BSCL2: variants seen among roughly 807,000 people sequenced by gnomAD.
The protein encoded by BSCL2 is seipin.
BSCL2 carries 41 observed loss-of-function variants against 57.4 expected under a neutral mutation model. That is an observed-to-expected ratio of 0.71 (90% CI 0.56 to 0.93). BSCL2 has a LOEUF of 0.93. Among genes scored for constraint, BSCL2 ranks in the 40% least tolerant of loss-of-function variants. The pLI is 0.00. For missense variants in BSCL2, 539 were observed against 586.7 expected (o/e 0.92, Z 0.84); for synonymous variants, 237 against 227.3 (o/e 1.04, Z -0.38).
chr11:62,707,013 T>A, intron 1 of BSCL2, 96 bp downstream of exon 1: 1 of 1,088,278 alleles, frequency 9.2e-7, no homozygotes. Flanking sequence ...TCAAAATGAA[T>A]GAAATTCTTA....
chr11:62,706,331 C>G (rs926947536), intron 1 of BSCL2: 1 of 1,126,912 alleles, frequency 8.9e-7, no homozygotes, highest in Non-Finnish European at 1.1e-6. Context: ...CCCTCTCCGC[C>G]GGCCGCTTTT....
At chr11:62,702,575 C>T (rs777165971) in intron 2 of BSCL2, 26 bp from the exon 3 acceptor site, 1 of 1,592,406 alleles carries the variant, frequency 6.3e-7, no homozygotes, top group Non-Finnish European at 8.6e-7. Context: ...GGAGGATACT[C>T]TGCTAAGTTA....
At chr11:62,708,735 C>A, upstream of BSCL2, 1 of 1,614,006 alleles carries the variant, frequency 6.2e-7, no homozygotes, top group South Asian at 1.1e-5. Context: ...CTGTGAGGAT[C>A]CCCTCATCAC....
At chr11:62,709,074 TCCTGC>T, upstream of BSCL2, 1 of 495,072 alleles carries the variant, frequency 2.0e-6, no homozygotes, top group Non-Finnish European at 3.8e-6. Context: ...TGCCAGCGCG[TCCTGC>T]CCGCTTCCCT....
chr11:62,696,586 C>T (rs144159078), intron 3 of BSCL2, among the ~76,000 whole-genome samples: 2 of 151,750 alleles, frequency 1.3e-5, no homozygotes, highest in East Asian at 3.9e-4. Context: ...GACAGGATCT[C>T]GCTCTTGTCA....
At chr11:62,695,783 T>C (rs982718304) in intron 3 of BSCL2, among the ~76,000 whole-genome samples, 1 of 150,190 alleles carries the variant, frequency 6.7e-6, no homozygotes, top group South Asian at 2.1e-4. Flanking sequence ...CTCCAAAACA[T>C]GGGTTCAGCC....
intron 1 of BSCL2, chr11:62,706,599 C>G: frequency 2.1e-6 from 1 of 469,694 alleles, no homozygotes; most frequent in South Asian, 1.5e-5. Flanking sequence ...GCAATCACAG[C>G]CCTCCGTGCA....
chr11:62,694,002 C>T (rs1390312991), intron 4 of BSCL2, among the ~76,000 whole-genome samples: 2 of 150,196 alleles, frequency 1.3e-5, no homozygotes, highest in South Asian at 2.1e-4. Context: ...TTAGTAGAGA[C>T]GGGATTTCTC....
intron 1 of BSCL2, 115 bp downstream of exon 1, chr11:62,706,994 G>T: frequency 1.1e-6 from 1 of 905,476 alleles, no homozygotes; most frequent in Non-Finnish European, 1.7e-6. Flanking sequence ...GGCGTGGGAA[G>T]TAATCTATTC....
chr11:62,705,063 T>C (rs1338412658), intron 2 of BSCL2, among the ~76,000 whole-genome samples: 1 of 149,800 alleles, frequency 6.7e-6, no homozygotes, highest in Admixed American at 6.7e-5. Context: ...ATGATAGAAG[T>C]GGATATTTTT....
At chr11:62,709,099 G>C (rs558643814), upstream of BSCL2, 5 of 482,950 alleles carry the variant, frequency 1.0e-5, no homozygotes, top group Non-Finnish European at 2.0e-5. Flanking sequence ...TCGGTGACCT[G>C]CTCAGACAAT....
chr11:62,707,034 A>C, intron 1 of BSCL2, 75 bp downstream of exon 1: 2 of 1,276,178 alleles, frequency 1.6e-6, no homozygotes, highest in Non-Finnish European at 2.2e-6. Flanking sequence ...AAACCAATCC[A>C]TCCCCCCGCC....
At chr11:62,702,893 G>C (rs146115680) in intron 2 of BSCL2, among the ~76,000 whole-genome samples, 1 of 152,086 alleles carries the variant, frequency 6.6e-6, no homozygotes, top group African/African-American at 2.4e-5. Context: ...GCTCACGCCT[G>C]TAATCCCAGC....
At chr11:62,707,687 C>T (rs1347449936), upstream of BSCL2, 3 of 379,436 alleles carry the variant, frequency 7.9e-6, no homozygotes, top group East Asian at 1.8e-4. Flanking sequence ...TTCTAGCATC[C>T]TTCATCCTTC....
intron 3 of BSCL2, among the ~76,000 whole-genome samples, chr11:62,700,108 A>C (rs1022986534): frequency 8.7e-6 from 1 of 115,520 alleles, no homozygotes; most frequent in Non-Finnish European, 1.9e-5. Context: ...AAAAAAAAAA[A>C]GCTGGGCATG....
rs557894475 is a variant in BSCL2 at position 62,706,561 on chromosome 11, A to G, written c.87+548T>C. Reference sequence around the variant, plus strand: ...GTGCCCCAGGGGATGCGCTGACTGCAGCCTCCGCTCGGCTCTCCCTTGAGA... The same window carrying G: ...GTGCCCCAGGGGATGCGCTGACTGCGGCCTCCGCTCGGCTCTCCCTTGAGA... On this transcript the variant is annotated intron_variant, in intron 1 of 10. Coordinates refer to ENST00000360796, the MANE Select transcript of BSCL2 (RefSeq NM_001122955.4). 103 of 464,070 alleles carry G rather than the reference A, an allele frequency of 2.2e-4. 1 individual carries two copies. Among genetic ancestry groups the G allele is most frequent in the South Asian group, 1.6e-3 (102 of 64,474 alleles). The allele number at this position is 464,070 out of a possible 1,614,324, so 28.7% of individuals were successfully genotyped here. A position where few individuals can be genotyped will look rare whatever the true frequency, so the allele number is the denominator to read the frequency against.
At chr11:62,700,233 C>A (rs541947790) in intron 3 of BSCL2, among the ~76,000 whole-genome samples, 3 of 151,714 alleles carry the variant, frequency 2.0e-5, no homozygotes, top group African/African-American at 7.3e-5. Context: ...AGGGCAAAAC[C>A]TTGTCTTGAA....
intron 3 of BSCL2, among the ~76,000 whole-genome samples, chr11:62,699,266 C>T (rs539464864): frequency 1.2e-4 from 18 of 151,812 alleles, no homozygotes; most frequent in African/African-American, 2.9e-4. Context: ...GGCGCGATCT[C>T]GGCTCACTGC....
upstream of BSCL2, chr11:62,708,618 G>A (rs1260935111): frequency 1.3e-6 from 2 of 1,598,244 alleles, no homozygotes; most frequent in Non-Finnish European, 1.7e-6. Flanking sequence ...ATTTGGGGAG[G>A]GAGGCTGCAG....
Sources: gnomAD v4.1 joint callset for allele counts (sites outside exome capture counted in the v4.1 genomes callset) on GRCh38, gnomAD v4.1.1 for gene constraint, MANE v1.5 for transcripts, NCBI Gene and HGNC (gene_info 2026-07-23, HGNC 2026-07-21) for gene names.